RIMS1: variants seen among roughly 807,000 people sequenced by gnomAD.
RIMS1 encodes the protein regulating synaptic membrane exocytosis protein 1.
A neutral mutation model predicts 214.1 loss-of-function variants in RIMS1; 83 were observed. That is an observed-to-expected ratio of 0.39 (90% CI 0.32 to 0.47). RIMS1 has a LOEUF of 0.47. Among genes scored for constraint, RIMS1 ranks in the 20% least tolerant of loss-of-function variants. The probability of loss-of-function intolerance (pLI) is 0.99; values close to 1 mark genes in which losing one functional copy is unlikely to be tolerated. For synonymous variants in RIMS1, 793 were observed against 786.8 expected (o/e 1.01, Z -0.13); for missense variants, 2,050 against 2,161.8 (o/e 0.95, Z 1.03).
chr6:72,046,285 T>C (rs1158611971), intron 2 of RIMS1, among the ~76,000 whole-genome samples: 3 of 152,042 alleles, frequency 2.0e-5, no homozygotes, highest in Admixed American at 1.3e-4. Flanking sequence ...TCATTGTGTG[T>C]GTGTGGAAAG....
In RIMS1 at chr6:72,399,905, T is replaced by A. The variant is rs1415462730; in HGVS notation, c.4861-591T>A. ...TGACCTAGATTGTGGTAATTTTTAA[T>A]GATCTAATTGAAATATTAATCATCT... On this transcript the variant is annotated intron_variant, in intron 33 of 33. Coordinates refer to ENST00000521978, the MANE Select transcript of RIMS1 (RefSeq NM_014989.7). 2.6e-5 allele frequency among the ~76,000 whole-genome samples: 4 copies of A among 152,214 alleles called. No individual in the cohort carries two copies. In the East Asian group the frequency reaches 7.7e-4, roughly 29 times the overall value.
chr6:72,355,007 G>A (rs2154375373), intron 29 of RIMS1, among the ~76,000 whole-genome samples: 1 of 152,132 alleles, frequency 6.6e-6, no homozygotes, highest in East Asian at 1.9e-4. Flanking sequence ...GGGGAGAACT[G>A]TTATGTGTTG....
chr6:72,067,019 C>T (rs1419822529), intron 2 of RIMS1, among the ~76,000 whole-genome samples: 1 of 152,170 alleles, frequency 6.6e-6, no homozygotes, highest in Non-Finnish European at 1.5e-5. Flanking sequence ...CCATCCTCCA[C>T]TTCATACTAC....
chr6:72,273,742 C>A (rs995967535), intron 22 of RIMS1, among the ~76,000 whole-genome samples: 2 of 152,112 alleles, frequency 1.3e-5, no homozygotes, highest in African/African-American at 2.4e-5. Flanking sequence ...TTTTAAAGTT[C>A]AGTAATTAGC....
chr6:72,361,258 G>A (rs549218012), intron 29 of RIMS1, among the ~76,000 whole-genome samples: 7 of 151,138 alleles, frequency 4.6e-5, no homozygotes, highest in South Asian at 2.1e-4. Context: ...GGCACATGCC[G>A]CCACGCCCTG....
chr6:72,220,506 C>T, intron 6 of RIMS1, among the ~76,000 whole-genome samples: 1 of 151,982 alleles, frequency 6.6e-6, no homozygotes, highest in East Asian at 1.9e-4. Context: ...AGAAAAAGTC[C>T]TGCCTACACA....
intron 23 of RIMS1, among the ~76,000 whole-genome samples, chr6:72,282,424 A>C (rs1289489291): frequency 6.6e-6 from 1 of 152,052 alleles, no homozygotes; most frequent in Non-Finnish European, 1.5e-5. Flanking sequence ...TCCTGACCAC[A>C]GAAGCAATAA....
chr6:72,014,026 C>T (rs1372726145), intron 2 of RIMS1, among the ~76,000 whole-genome samples: 1 of 152,072 alleles, frequency 6.6e-6, no homozygotes, highest in Non-Finnish European at 1.5e-5. Context: ...GTGTATTAGT[C>T]CATTCTCACA....
At chr6:72,144,122 G>A (rs913678435) in intron 4 of RIMS1, among the ~76,000 whole-genome samples, 7 of 152,132 alleles carry the variant, frequency 4.6e-5, no homozygotes, top group African/African-American at 1.7e-4. Context: ...ACCAATTTAA[G>A]ATACAGTCAC....
rs182493290 is a variant in RIMS1, at chr6:72,104,645, G to T, written c.471+4659G>T. Among the ~76,000 whole-genome samples, 9 of 152,240 alleles carry T rather than the reference G, an allele frequency of 5.9e-5. No homozygotes were observed. In the East Asian group the frequency reaches 1.7e-3, roughly 29 times the overall value. On this transcript the variant is annotated intron_variant, in intron 4 of 33. Transcript: ENST00000521978. ...CTACCAAGAATAGAATTTGCATCTT[G>T]CTGAGCATGGAGCAGAGAAGAAAGG...
chr6:72,070,322 A>C (rs1479412052), intron 2 of RIMS1, among the ~76,000 whole-genome samples: 2 of 152,144 alleles, frequency 1.3e-5, no homozygotes, highest in African/African-American at 4.8e-5. Flanking sequence ...ATCATATGAA[A>C]TATTATTACA....
rs550019634 is a variant in RIMS1 at position 72,247,524 on chromosome 6, A to C, written c.2129-491A>C. 2.1e-4 allele frequency among the ~76,000 whole-genome samples: 28 copies of C among 135,056 alleles called. No individual in the cohort carries two copies. In the South Asian group the frequency reaches 7.5e-3, roughly 36 times the overall value. 88.6% of individuals were successfully genotyped at this position (135,056 alleles called of 152,430 possible). A position where few individuals can be genotyped will look rare whatever the true frequency, so the allele number is the denominator to read the frequency against. ...CACTCCAGCCTGGGCAACAAGAGCG[A>C]AACTCTGTCTCAAAAAAAAAAAAAA... is the stretch of plus-strand genomic sequence containing the variant. On this transcript the variant is annotated intron_variant, in intron 11 of 33. Coordinates refer to ENST00000521978, the MANE Select transcript of RIMS1 (RefSeq NM_014989.7).
At chr6:72,339,676 G>C (rs1007984613) in intron 29 of RIMS1, among the ~76,000 whole-genome samples, 34 of 151,958 alleles carry the variant, frequency 2.2e-4, no homozygotes, top group African/African-American at 8.2e-4. Flanking sequence ...TCTTCATCCA[G>C]TCTATCATTG....
intron 26 of RIMS1, among the ~76,000 whole-genome samples, chr6:72,303,932 A>G (rs2094893994): frequency 6.6e-6 from 1 of 151,648 alleles, no homozygotes; most frequent in African/African-American, 2.4e-5. Flanking sequence ...TAATCACAAA[A>G]TCTATAATTA....
chr6:71,892,970 G>T (rs1421610070), intron 1 of RIMS1, among the ~76,000 whole-genome samples: 1 of 152,170 alleles, frequency 6.6e-6, no homozygotes, highest in African/African-American at 2.4e-5. Flanking sequence ...CCAAGCATCA[G>T]ATTTTATATG....
At chr6:71,948,219 A>G (rs1788459816) in intron 1 of RIMS1, among the ~76,000 whole-genome samples, 1 of 152,180 alleles carries the variant, frequency 6.6e-6, no homozygotes, top group Non-Finnish European at 1.5e-5. Context: ...AATGCTGAGG[A>G]TATCAGATGA....
chr6:72,310,129 G>A (rs2095435794), intron 27 of RIMS1, among the ~76,000 whole-genome samples: 1 of 151,914 alleles, frequency 6.6e-6, no homozygotes, highest in Non-Finnish European at 1.5e-5. Flanking sequence ...CATTTTGGAC[G>A]AAGCAATGAA....
chr6:72,091,199 T>C (rs567427980), intron 2 of RIMS1, among the ~76,000 whole-genome samples: 252 of 152,318 alleles, frequency 1.7e-3, no homozygotes, highest in Non-Finnish European at 2.8e-3. Context: ...TCACCTGCTC[T>C]CAGAACCTAC....
intron 19 of RIMS1, 106 bp from the exon 20 acceptor site, chr6:72,264,869 A>G: frequency 1.6e-6 from 1 of 624,980 alleles, no homozygotes; most frequent in South Asian, 2.2e-5. Flanking sequence ...ATGACCAAAG[A>G]TTTATCTATA....
Sources: gnomAD v4.1 joint callset for allele counts (sites outside exome capture counted in the v4.1 genomes callset) on GRCh38, gnomAD v4.1.1 for gene constraint, MANE v1.5 for transcripts, NCBI Gene and HGNC (gene_info 2026-07-23, HGNC 2026-07-21) for gene names.